Variants in ZNF592 observed in about 807,000 individuals in gnomAD.
The protein encoded by ZNF592 is spinocerebellar ataxia, autosomal recessive 5.
ZNF592 carries 11 observed loss-of-function variants against 80.3 expected under a neutral mutation model. The ratio of observed to expected loss-of-function variants is 0.14; its 90% CI spans 0.09 to 0.23. The LOEUF is 0.23. Ranked by LOEUF, ZNF592 falls within the 10% of genes least tolerant of loss-of-function variation. The probability of loss-of-function intolerance (pLI) is 1.00; values close to 1 mark genes in which losing one functional copy is unlikely to be tolerated. For missense variants in ZNF592, 1,420 were observed against 1,633.9 expected (o/e 0.87, Z 2.26); for synonymous variants, 646 against 640.3 (o/e 1.01, Z -0.13).
chr15:84,793,078 AAAT>A (rs1962795960), intron 5 of ZNF592, among the ~76,000 whole-genome samples: 1 of 151,804 alleles, frequency 6.6e-6, no homozygotes, highest in Non-Finnish European at 1.5e-5. Flanking sequence ...CCAAGAAAAA[AAAT>A]TTTTTTTTTT....
rs965752882 is a variant in ZNF592 at position 84,783,858 on chromosome 15, C to A, written c.1183C>A (p.Leu395Met). Residue 395 changes from leucine to methionine, a missense_variant, in exon 4 of 11, where the codon CTG becomes ATG. By Grantham distance (15) the Leu-to-Met change is conservative. This residue lies in a region of ZNF592 where 524 missense variants were observed against 628.3 expected (regional missense o/e 0.83). Transcript: ENST00000560079. The surrounding 1 kb of genome is among the most constrained non-coding windows in gnomAD (Gnocchi z 5.0). ...GEIKRTVTRILPDPDDPSKSP... is the reference protein window; with the variant it reads ...GEIKRTVTRIMPDPDDPSKSP... ...AATCAAACGGACTGTCACAAGGATCCTGCCAGATCCTGATGATCCAAGTAA... is the reference window on the plus strand; with the variant it reads ...AATCAAACGGACTGTCACAAGGATCATGCCAGATCCTGATGATCCAAGTAA... The A allele has an allele frequency of 1.9e-6, 3 of 1,614,200 alleles. No homozygotes were observed. The highest frequency in any genetic ancestry group is 2.5e-6 in the Non-Finnish European group (3 of 1,180,036).
intron 2 of ZNF592, among the ~76,000 whole-genome samples, 183 bp downstream of exon 2, chr15:84,764,998 A>C (rs1369419178): frequency 6.6e-6 from 1 of 152,088 alleles, no homozygotes; most frequent in Non-Finnish European, 1.5e-5. Context: ...ACAGTTGTAC[A>C]AGCATCACCA....
intron 5 of ZNF592, among the ~76,000 whole-genome samples, chr15:84,795,576 T>C (rs1962871463): frequency 6.6e-6 from 1 of 152,244 alleles, no homozygotes; most frequent in African/African-American, 2.4e-5. Flanking sequence ...ATAAAGCCAC[T>C]TAAGAGATTC....
chr15:84,790,847 A>G lies in ZNF592; in HGVS notation c.2363A>G (p.Glu788Gly). 6.2e-7 allele frequency: 1 copy of G among 1,614,216 alleles called. No homozygotes were observed. The highest frequency in any genetic ancestry group is 8.5e-7 in the Non-Finnish European group (1 of 1,180,046). ...RSAYFQTHVK[E>G]NCLHYARKVG... ...GCCTACTTCCAGACCCATGTAAAGGAGAATTGCCTGCACTATGCCCGCAAG... is the reference window on the plus strand; with the variant it reads ...GCCTACTTCCAGACCCATGTAAAGGGGAATTGCCTGCACTATGCCCGCAAG... The change falls in exon 5 of 11, where the codon GAG (glutamate) becomes GGG (glycine). Residue 788 changes from glutamate (E) to glycine (G), a missense_variant. By Grantham distance (98) the Glu-to-Gly change is moderately conservative. Coordinates refer to ENST00000560079, the MANE Select transcript of ZNF592 (RefSeq NM_014630.3).
Position 84,798,937 on chromosome 15 carries a change from C to T in ZNF592, c.3024+62C>T, listed in dbSNP as rs1963011746. 4 of 1,599,006 alleles carry T rather than the reference C, an allele frequency of 2.5e-6. No homozygotes were observed. Among genetic ancestry groups the T allele is most frequent in the East Asian group, 4.5e-5 (2 of 44,846 alleles). On this transcript the variant is annotated intron_variant, in intron 8 of 10. Coordinates refer to ENST00000560079, the MANE Select transcript of ZNF592 (RefSeq NM_014630.3). This position sits in a 1 kb window ranked among gnomAD's most constrained non-coding sequence, Gnocchi z 4.5. ...TCCTCTGGACTTCCTTCTGTGAAGC[C>T]AGAACCCCTAGGGTTCCTGGTGCTT...
At chr15:84,758,685 G>A (rs1441447641) in intron 1 of ZNF592, among the ~76,000 whole-genome samples, 1 of 151,564 alleles carries the variant, frequency 6.6e-6, no homozygotes, top group African/African-American at 2.4e-5. Flanking sequence ...GCTGAGGTGG[G>A]TGGATTGCTT....
intron 1 of ZNF592, among the ~76,000 whole-genome samples, chr15:84,750,510 G>A (rs1005118896): frequency 1.2e-4 from 19 of 152,164 alleles, no homozygotes; most frequent in African/African-American, 4.1e-4. Flanking sequence ...GGAGAAGAAG[G>A]AAGCAGGGAA....
intron 1 of ZNF592, among the ~76,000 whole-genome samples, chr15:84,751,096 G>C (rs575026871): frequency 2.6e-5 from 4 of 152,294 alleles, no homozygotes; most frequent in Admixed American, 2.6e-4. Flanking sequence ...AAGCAGTCTG[G>C]GGGAGATCCT....
In ZNF592 at chr15:84,802,627, G is replaced by C; in HGVS notation, c.*234G>C. The C allele has an allele frequency of 1.7e-6, 1 of 579,156 alleles. No individual in the cohort carries two copies. Among genetic ancestry groups the C allele is most frequent in the Non-Finnish European group, 3.1e-6 (1 of 324,304 alleles). The allele number at this position is 579,156 out of a possible 1,614,324, so 35.9% of individuals were successfully genotyped here. ...CTTCTGTTATTTATGGCTTTTCGCT[G>C]CTTCTTGGTGCCCCATCTCTTGTCT... On this transcript the variant is annotated 3_prime_UTR_variant, in exon 11 of 11. Coordinates refer to ENST00000560079, the MANE Select transcript of ZNF592 (RefSeq NM_014630.3).
At chr15:84,751,612 A>C (rs1425702183) in intron 1 of ZNF592, among the ~76,000 whole-genome samples, 1 of 150,730 alleles carries the variant, frequency 6.6e-6, no homozygotes, top group Non-Finnish European at 1.5e-5. Context: ...TTTTTTTTTA[A>C]ACTGGAGACA....
At chr15:84,762,064 T>C (rs1483636053) in intron 1 of ZNF592, among the ~76,000 whole-genome samples, 1 of 152,200 alleles carries the variant, frequency 6.6e-6, no homozygotes, top group East Asian at 1.9e-4. Context: ...GATCTTTTGG[T>C]ATGAGTCATA....
intron 2 of ZNF592, among the ~76,000 whole-genome samples, chr15:84,766,130 C>T (rs1264160192): frequency 6.6e-6 from 1 of 151,984 alleles, no homozygotes; most frequent in Non-Finnish European, 1.5e-5. Flanking sequence ...CCTCCCACCT[C>T]AGCCTCCCGA....
chr15:84,764,910 G>GT (rs11313287), intron 2 of ZNF592, 95 bp downstream of exon 2: 296 of 375,014 alleles, frequency 7.9e-4, no homozygotes, highest in Middle Eastern at 2.0e-3. Flanking sequence ...GTTTTGTTTT[G>GT]TTTTTTTTTG....
chr15:84,801,751 G>GGTGACCC, intron 10 of ZNF592, 112 bp from the exon 11 acceptor site: 1 of 1,510,084 alleles, frequency 6.6e-7, no homozygotes, highest in Non-Finnish European at 9.2e-7. Flanking sequence ...TCAGGGCTGG[G>GGTGACCC]GTGACCCTGG....
intron 2 of ZNF592, among the ~76,000 whole-genome samples, chr15:84,766,753 A>G (rs1240146122): frequency 7.3e-6 from 1 of 136,776 alleles, no homozygotes; most frequent in African/African-American, 2.8e-5. Context: ...GAAAAGGGGA[A>G]TAAGAACAGA....
chr15:84,767,178 G>A (rs1311774407), intron 2 of ZNF592, among the ~76,000 whole-genome samples: 1 of 152,000 alleles, frequency 6.6e-6, no homozygotes, highest in African/African-American at 2.4e-5. Context: ...TGTATTTTTA[G>A]TAATTTTTTT....
rs146090879 is a variant in ZNF592, at chr15:84,770,674, G to A, written c.-150+5859G>A. Among the ~76,000 whole-genome samples the A allele has an allele frequency of 5.3e-5, 8 of 151,956 alleles. No individual in the cohort carries two copies. The East Asian group carries it at 1.4e-3, about 26-fold the overall frequency. ...AGAGTTTGGACTAGACCGGTGCAGT[G>A]GAATCACCTGGGAAGCTTTAAAAAA... On this transcript the variant is annotated intron_variant, in intron 2 of 10. Transcript: ENST00000560079.
intron 2 of ZNF592, among the ~76,000 whole-genome samples, chr15:84,774,465 T>C (rs1962183542): frequency 6.6e-6 from 1 of 152,226 alleles, no homozygotes; most frequent in African/African-American, 2.4e-5. Flanking sequence ...AGCACACATA[T>C]CTGGAGGTGA....
rs1596129241 is a variant in ZNF592, at chr15:84,790,881, C to T, written c.2397C>T (p.Tyr799=). ...TGCACTATGCCCGCAAGGTGGGCTA[C>T]AGGTGGGTGCTGCCTGGCTTGCTGT... is the stretch of plus-strand genomic sequence containing the variant. ...NCLHYARKVG[Y]RCIHCGVVHL... is the part of the protein sequence containing the mutation. Residue 799 remains tyrosine (Y), a splice_region_variant and synonymous_variant, in exon 5 of 11, where the codon TAC becomes TAT. Transcript: ENST00000560079. 6.2e-7 allele frequency: 1 copy of T among 1,614,228 alleles called. No homozygotes were observed. Among genetic ancestry groups the T allele is most frequent in the Non-Finnish European group, 8.5e-7 (1 of 1,180,042 alleles).
Sources: gnomAD v4.1 joint callset for allele counts (sites outside exome capture counted in the v4.1 genomes callset) on GRCh38, gnomAD v4.1.1 for gene constraint, gnomAD v4.1.1 regional missense constraint, Gnocchi (gnomAD v3.1) non-coding constraint, MANE v1.5 for transcripts, NCBI Gene and HGNC (gene_info 2026-07-23, HGNC 2026-07-21) for gene names.